Variants in SGSM1 observed in about 807,000 individuals in gnomAD.
SGSM1 encodes small G protein signaling modulator 1.
In SGSM1, 73 loss-of-function variants were observed where a neutral mutation model predicts 133.8. That is an observed-to-expected ratio of 0.55 (90% CI 0.45 to 0.66). The LOEUF (loss-of-function observed/expected upper bound fraction) is 0.66. Among genes scored for constraint, SGSM1 ranks in the 30% least tolerant of loss-of-function variants. The pLI is 0.00. For missense variants in SGSM1, 1,213 were observed against 1,448.1 expected (o/e 0.84, Z 2.64); for synonymous variants, 563 against 573.0 (o/e 0.98, Z 0.25).
intron 9 of SGSM1, among the ~76,000 whole-genome samples, chr22:24,860,763 G>A (rs903197862): frequency 6.7e-6 from 1 of 150,076 alleles, no homozygotes; most frequent in African/African-American, 2.5e-5. Context: ...TGCCAGGCAT[G>A]GTGGCACACA....
chr22:24,890,420 A>G (rs948950604), intron 16 of SGSM1, among the ~76,000 whole-genome samples: 1 of 146,678 alleles, frequency 6.8e-6, no homozygotes, highest in African/African-American at 2.8e-5. Context: ...GTAACAGTTT[A>G]TGTAACTAAA....
At chr22:24,823,934 A>G (rs1313751036) in intron 2 of SGSM1, among the ~76,000 whole-genome samples, 1 of 152,246 alleles carries the variant, frequency 6.6e-6, no homozygotes, top group African/African-American at 2.4e-5. Context: ...TAAATGTATT[A>G]TCTTACGCCA....
intron 9 of SGSM1, among the ~76,000 whole-genome samples, chr22:24,864,016 C>T (rs1931310074): frequency 6.6e-6 from 1 of 152,164 alleles, no homozygotes. Context: ...GTTGGGATTA[C>T]AGGCATGAGC....
intron 9 of SGSM1, among the ~76,000 whole-genome samples, chr22:24,860,217 G>C (rs1244163017): frequency 1.3e-5 from 2 of 152,168 alleles, no homozygotes; most frequent in Non-Finnish European, 2.9e-5. Flanking sequence ...GCGAGCATCT[G>C]GTCCAGGGCT....
intron 21 of SGSM1, 137 bp downstream of exon 21, chr22:24,905,324 C>A: frequency 1.2e-6 from 1 of 813,142 alleles, no homozygotes; most frequent in Non-Finnish European, 2.1e-6. Context: ...GTGAACACAT[C>A]AAGATCCTAG....
intron 2 of SGSM1, among the ~76,000 whole-genome samples, chr22:24,831,391 C>T: frequency 6.6e-6 from 1 of 152,112 alleles, no homozygotes; most frequent in Middle Eastern, 3.2e-3. Flanking sequence ...GTTTATACCT[C>T]ACATGCAGCA....
At chr22:24,875,238 A>G (rs992667904) in intron 12 of SGSM1, among the ~76,000 whole-genome samples, 6 of 152,236 alleles carry the variant, frequency 3.9e-5, no homozygotes, top group Non-Finnish European at 8.8e-5. Context: ...ATTCAGCCCC[A>G]TTCTGTACCA....
At chr22:24,916,458 C>T (rs1433533127) in intron 22 of SGSM1, among the ~76,000 whole-genome samples, 1 of 152,084 alleles carries the variant, frequency 6.6e-6, no homozygotes, top group Non-Finnish European at 1.5e-5. Context: ...TTTGGGAGGC[C>T]AAGGCGGGTG....
chr22:24,832,430 G>T (rs188245639), intron 2 of SGSM1, among the ~76,000 whole-genome samples: 9 of 152,244 alleles, frequency 5.9e-5, no homozygotes, highest in African/African-American at 2.2e-4. Flanking sequence ...TTCCATTTCT[G>T]CCCACTATTT....
At chr22:24,838,344 C>A (rs1241362687) in intron 2 of SGSM1, among the ~76,000 whole-genome samples, 1 of 152,164 alleles carries the variant, frequency 6.6e-6, no homozygotes, top group Non-Finnish European at 1.5e-5. Context: ...AATCCATCTC[C>A]CTGACTGACT....
chr22:24,907,054 G>A (rs1345411912), intron 21 of SGSM1, among the ~76,000 whole-genome samples: 1 of 151,952 alleles, frequency 6.6e-6, no homozygotes, highest in African/African-American at 2.4e-5. Flanking sequence ...GAGGTCAGGA[G>A]TCCGAGACCA....
rs1320284003 is a variant in SGSM1 at position 24,855,988 on chromosome 22, T to G, written c.801+308T>G. 7.4e-6 allele frequency: 4 copies of G among 539,346 alleles called. No homozygotes were observed. The African/African-American group carries it at 7.4e-5, about 10-fold the overall frequency. The allele number at this position is 539,346 out of a possible 1,614,324, so 33.4% of individuals were successfully genotyped here. ...ATTCACCCATCCACCCATCTTTACATTCACCCATCCACCCATCTTTACATC... is the reference window on the plus strand; with the variant it reads ...ATTCACCCATCCACCCATCTTTACAGTCACCCATCCACCCATCTTTACATC... On this transcript the variant is annotated intron_variant, in intron 8 of 24. Coordinates refer to ENST00000400358, the MANE Select transcript of SGSM1 (RefSeq NM_001098497.3).
chr22:24,883,061 AT>A (rs1428407924), intron 14 of SGSM1, among the ~76,000 whole-genome samples: 1 of 136,902 alleles, frequency 7.3e-6, no homozygotes, highest in Non-Finnish European at 1.5e-5. Context: ...CCATGAGCTA[AT>A]TTTTTTGTAT....
intron 2 of SGSM1, among the ~76,000 whole-genome samples, chr22:24,818,715 C>G (rs9612776): frequency 2.0e-5 from 3 of 151,942 alleles, no homozygotes; most frequent in Non-Finnish European, 4.4e-5. Context: ...TGCCAAAACA[C>G]TGGGTCTGTA....
chr22:24,877,663 A>G (rs1932090414), intron 13 of SGSM1, among the ~76,000 whole-genome samples: 1 of 151,964 alleles, frequency 6.6e-6, no homozygotes, highest in Non-Finnish European at 1.5e-5. Flanking sequence ...TGGTCCGTGA[A>G]CCAGCATCAG....
chr22:24,855,811 C>A, intron 8 of SGSM1, 131 bp downstream of exon 8: 2 of 1,304,018 alleles, frequency 1.5e-6, no homozygotes, highest in East Asian at 2.4e-5. Flanking sequence ...CACATCCACC[C>A]GCCCAACACT....
chr22:24,818,611 C>T (rs2147789934), intron 2 of SGSM1, among the ~76,000 whole-genome samples: 1 of 151,934 alleles, frequency 6.6e-6, no homozygotes, highest in South Asian at 2.1e-4. Flanking sequence ...AGATGATCCA[C>T]CTGCCTCGGC....
chr22:24,844,976 A>T lies in SGSM1; in HGVS notation c.139+4A>T. 6.2e-7 allele frequency: 1 copy of T among 1,613,516 alleles called. No homozygotes were observed. The highest frequency in any genetic ancestry group is 8.5e-7 in the Non-Finnish European group (1 of 1,179,738). ...AGCCACATCATCTCCTTCTGTGGTGAGTCTGTGACCTGGGAAAGTGGCTTC... is the reference window on the plus strand; with the variant it reads ...AGCCACATCATCTCCTTCTGTGGTGTGTCTGTGACCTGGGAAAGTGGCTTC... On this transcript the variant is annotated splice_donor_region_variant and intron_variant, in intron 3 of 24. Transcript: ENST00000400358.
At chr22:24,883,827 G>T (rs775540563) in intron 14 of SGSM1, among the ~76,000 whole-genome samples, 1 of 152,136 alleles carries the variant, frequency 6.6e-6, no homozygotes, top group Non-Finnish European at 1.5e-5. Context: ...GTGCTGGCGC[G>T]TGCCTCTGGT....
Sources: gnomAD v4.1 joint callset for allele counts (sites outside exome capture counted in the v4.1 genomes callset) on GRCh38, gnomAD v4.1.1 for gene constraint, MANE v1.5 for transcripts, NCBI Gene and HGNC (gene_info 2026-07-23, HGNC 2026-07-21) for gene names.